The following BCL7C variants were observed in gnomAD, a reference collection of about 807,000 sequenced individuals.
BCL7C encodes the protein B-cell CLL/lymphoma 7 protein family member C.
In BCL7C, 8 loss-of-function variants were observed where a neutral mutation model predicts 26.2. The observed-to-expected ratio is 0.30, with a 90% CI of 0.18 to 0.55. BCL7C has a LOEUF of 0.55. Among genes scored for constraint, BCL7C ranks in the 20% least tolerant of loss-of-function variants. The pLI, the probability that BCL7C is intolerant of heterozygous loss-of-function variation, is 0.93. For synonymous variants in BCL7C, 90 were observed against 116.5 expected, an observed-to-expected ratio of 0.77 and a Z score of 1.47; for missense variants, 262 against 298.5, an observed-to-expected ratio of 0.88 and a Z score of 0.90.
Position 30,834,848 on chromosome 16 carries a change from G to T in BCL7C, c.*100C>A. On this transcript the variant is annotated 3_prime_UTR_variant, in exon 6 of 6. Transcript: ENST00000380317. The surrounding 1 kb of genome is among the most constrained non-coding windows in gnomAD (Gnocchi z 4.3). ...GCCCTCCGATGTTACCGCGGTGGGT[G>T]AGCTGGGAAGCTCTTTCCGCCCTCG... 8.2e-7 allele frequency: 1 copy of T among 1,213,046 alleles called. No individual in the cohort carries two copies. Among genetic ancestry groups the T allele is most frequent in the Non-Finnish European group, 1.1e-6 (1 of 891,234 alleles). 75.1% of individuals were successfully genotyped at this position (1,213,046 alleles called of 1,614,324 possible).
chr16:30,847,796 G>GA (rs1321562954), intron 5 of BCL7C, among the ~76,000 whole-genome samples: 10 of 150,722 alleles, frequency 6.6e-5, no homozygotes, highest in South Asian at 6.3e-4. Flanking sequence ...ACTCTATCTT[G>GA]AAAAAAAACA....
At chr16:30,845,686 A>G (rs1333663147) in intron 5 of BCL7C, among the ~76,000 whole-genome samples, 1 of 150,670 alleles carries the variant, frequency 6.6e-6, no homozygotes, top group Non-Finnish European at 1.5e-5. Flanking sequence ...GCTGATCTTT[A>G]TATCTGCCAC....
downstream of BCL7C, among the ~76,000 whole-genome samples, chr16:30,886,729 G>A (rs963178867): frequency 2.0e-5 from 3 of 152,154 alleles, no homozygotes; most frequent in Admixed American, 6.6e-5. Flanking sequence ...AAGGCTTCTC[G>A]GAGGAGATGG....
At chr16:30,842,156 G>A (rs139226383) in intron 5 of BCL7C, among the ~76,000 whole-genome samples, 7 of 151,932 alleles carry the variant, frequency 4.6e-5, no homozygotes, top group East Asian at 1.9e-4. Flanking sequence ...AATTCAATAC[G>A]ACTGGTACAC....
chr16:30,837,931 G>A (rs1041881320), intron 5 of BCL7C, among the ~76,000 whole-genome samples: 1 of 152,138 alleles, frequency 6.6e-6, no homozygotes, highest in Non-Finnish European at 1.5e-5. Context: ...CTCCTCTATG[G>A]ACTTCTCTCC....
At chr16:30,892,477 TGAG>T (rs1199968143) in intron 4 of BCL7C, 106 bp downstream of exon 4, 1 of 1,159,776 alleles carries the variant, frequency 8.6e-7, no homozygotes, top group African/African-American at 1.6e-5. Context: ...GAAGGCGCCT[TGAG>T]GAGGGTGCAC....
chr16:30,854,072 T>C (rs1222317983), intron 5 of BCL7C, among the ~76,000 whole-genome samples: 1 of 152,162 alleles, frequency 6.6e-6, no homozygotes, highest in African/African-American at 2.4e-5. Flanking sequence ...CTTCTCAGTG[T>C]CTTCCTCAGC....
chr16:30,859,842 C>A (rs1447764429), intron 5 of BCL7C, among the ~76,000 whole-genome samples: 1 of 152,178 alleles, frequency 6.6e-6, no homozygotes, highest in Non-Finnish European at 1.5e-5. Context: ...TCACACAAAG[C>A]CTGTTTGGTG....
At chr16:30,857,025 T>C (rs1596591078) in intron 5 of BCL7C, among the ~76,000 whole-genome samples, 1 of 152,212 alleles carries the variant, frequency 6.6e-6, no homozygotes, top group East Asian at 1.9e-4. Flanking sequence ...CTGTTTTTGT[T>C]TGTTTTCAAC....
chr16:30,889,013 A>C lies in BCL7C; in HGVS notation c.443-68T>G. The C allele has an allele frequency of 2.7e-6, 4 of 1,472,236 alleles. 1 individual carries two copies. The South Asian group carries it at 3.4e-5, about 13-fold the overall frequency. 91.2% of individuals were successfully genotyped at this position (1,472,236 alleles called of 1,614,324 possible). On this transcript the variant is annotated intron_variant, in intron 4 of 5. Transcript: ENST00000215115. Reference sequence around the variant, plus strand: ...GTGCCAGCAGCACAGACAGTGGGGGAAACAGATGGTCACAGGCCCCAGTCA... The same window carrying C: ...GTGCCAGCAGCACAGACAGTGGGGGCAACAGATGGTCACAGGCCCCAGTCA...
downstream of BCL7C, among the ~76,000 whole-genome samples, chr16:30,884,877 G>A (rs375672184): frequency 6.6e-6 from 1 of 152,276 alleles, no homozygotes; most frequent in South Asian, 2.1e-4. Context: ...ACAAATGAAT[G>A]CAGATGCTGA....
chr16:30,846,233 T>TTTA (rs1379504804), intron 5 of BCL7C, among the ~76,000 whole-genome samples: 1 of 149,628 alleles, frequency 6.7e-6, no homozygotes, highest in Non-Finnish European at 1.5e-5. Flanking sequence ...TATTTATTTA[T>TTTA]TTATTTTTTG....
intron 5 of BCL7C, among the ~76,000 whole-genome samples, chr16:30,837,167 T>C (rs944355454): frequency 6.6e-6 from 1 of 152,110 alleles, no homozygotes; most frequent in African/African-American, 2.4e-5. Context: ...CTGACACTTA[T>C]GTATATCCTT....
chr16:30,887,631 G>A (rs1346332279), downstream of BCL7C, among the ~76,000 whole-genome samples: 1 of 152,150 alleles, frequency 6.6e-6, no homozygotes, highest in African/African-American at 2.4e-5. Context: ...GAAGTACTGA[G>A]AGGCAGGGTC....
downstream of BCL7C, among the ~76,000 whole-genome samples, chr16:30,885,998 C>T (rs563958081): frequency 2.6e-5 from 4 of 152,216 alleles, no homozygotes; most frequent in East Asian, 1.9e-4. Flanking sequence ...ACTACAGGCG[C>T]GCACCAGTAT....
chr16:30,870,608 G>C (rs1186759033), intron 5 of BCL7C, among the ~76,000 whole-genome samples: 1 of 152,146 alleles, frequency 6.6e-6, no homozygotes, highest in African/African-American at 2.4e-5. Context: ...CCAGGAGTTG[G>C]AGGCTGCAGT....
downstream of BCL7C, among the ~76,000 whole-genome samples, chr16:30,886,623 C>G (rs892499518): frequency 2.0e-5 from 3 of 152,082 alleles, no homozygotes; most frequent in Non-Finnish European, 4.4e-5. Flanking sequence ...ACCACGGATC[C>G]CAGAACAGCC....
intron 5 of BCL7C, among the ~76,000 whole-genome samples, chr16:30,877,972 C>T (rs1420005105): frequency 6.1e-5 from 9 of 147,778 alleles, no homozygotes; most frequent in Non-Finnish European, 1.2e-4. Flanking sequence ...GTCAGGAGTT[C>T]GAGACCAGCC....
At chr16:30,851,746 C>G (rs556343378) in intron 5 of BCL7C, 6 of 538,200 alleles carry the variant, frequency 1.1e-5, no homozygotes, top group Non-Finnish European at 1.7e-5. Flanking sequence ...AAACAGTGAC[C>G]GTGACCTTTT....
Sources: allele counts gnomAD v4.1 joint callset (sites outside exome capture counted in the v4.1 genomes callset), GRCh38; gene constraint gnomAD v4.1.1; non-coding constraint Gnocchi (gnomAD v3.1); transcripts MANE v1.5; gene names NCBI Gene and HGNC (gene_info 2026-07-23, HGNC 2026-07-21).